The following DHX32 variants were observed in gnomAD, a reference collection of about 807,000 sequenced individuals.
DHX32 encodes the protein DEAH-box helicase 32 (putative).
Under a neutral mutation model 70.0 loss-of-function variants are expected in DHX32, and 51 were observed. The ratio of observed to expected loss-of-function variants is 0.73; its 90% CI spans 0.58 to 0.92. The LOEUF (loss-of-function observed/expected upper bound fraction) is 0.92. DHX32 is among the 40% of genes least tolerant of loss of function. The pLI is 0.00. For missense variants in DHX32, 762 were observed against 891.8 expected (o/e 0.85, Z 1.85); for synonymous variants, 310 against 315.3 (o/e 0.98, Z 0.18).
intron 3 of DHX32, among the ~76,000 whole-genome samples, chr10:125,858,893 T>A (rs1486962619): frequency 2.7e-5 from 4 of 148,976 alleles, no homozygotes; most frequent in Non-Finnish European, 4.5e-5. Flanking sequence ...AGCTGCAATT[T>A]AAAAAAAAAA....
chr10:125,867,186 G>A lies in DHX32; in HGVS notation c.283-3C>T. 2 of 1,591,216 alleles carry A rather than the reference G, an allele frequency of 1.3e-6. No homozygotes were observed. The highest frequency in any genetic ancestry group is 1.8e-5 in the Admixed American group (1 of 56,116). The stretch of plus-strand genomic sequence containing the variant: ...TATTCAGCACACCACTGAGGAACCT[G>A]TAGCAGGAAAAAATGAGACAGGATC... On this transcript the variant is annotated splice_region_variant and splice_polypyrimidine_tract_variant and intron_variant, in intron 1 of 10. Coordinates refer to ENST00000284690, the MANE Select transcript of DHX32 (RefSeq NM_018180.3).
At chr10:125,879,877 C>A (rs1944307096) in intron 1 of DHX32, among the ~76,000 whole-genome samples, 1 of 152,194 alleles carries the variant, frequency 6.6e-6, no homozygotes. Flanking sequence ...CTCCTGGGCT[C>A]AAATGATCTG....
chr10:125,866,109 G>C lies in DHX32; in HGVS notation c.476+881C>G, dbSNP rs767697968. 6.6e-6 allele frequency among the ~76,000 whole-genome samples: 1 copy of C among 152,088 alleles called. No individual in the cohort carries two copies. Among genetic ancestry groups the C allele is most frequent in the East Asian group, 1.9e-4 (1 of 5,190 alleles). On this transcript the variant is annotated intron_variant, in intron 2 of 10. Transcript: ENST00000284690. This position sits in a 1 kb window ranked among gnomAD's most constrained non-coding sequence, Gnocchi z 4.8. ...TAGCTACTTGGCTCTTGGAGTGGTC[G>C]GGCAGTGCCCGGGGCAGCTGAAGCC... is the stretch of plus-strand genomic sequence containing the variant.
At chr10:125,861,389 C>T (rs372820993) in intron 2 of DHX32, among the ~76,000 whole-genome samples, 3 of 152,056 alleles carry the variant, frequency 2.0e-5, no homozygotes, top group East Asian at 3.9e-4. Flanking sequence ...ACCAGCTACC[C>T]GGGAGGCTGA....
chr10:125,878,384 C>T (rs1944297108), intron 1 of DHX32, among the ~76,000 whole-genome samples: 1 of 152,178 alleles, frequency 6.6e-6, no homozygotes, highest in African/African-American at 2.4e-5. Context: ...CAAACTTCAC[C>T]TTCATTTAAG....
intron 1 of DHX32, among the ~76,000 whole-genome samples, chr10:125,875,017 G>C (rs912649964): frequency 6.6e-6 from 1 of 152,014 alleles, no homozygotes; most frequent in Non-Finnish European, 1.5e-5. Flanking sequence ...CCAGGAGTCC[G>C]AGACCAACCT....
Position 125,867,670 on chromosome 10 carries a change from AGCTT to A in DHX32, c.283-491_283-488del, listed in dbSNP as rs899429276. Among the ~76,000 whole-genome samples the A allele has an allele frequency of 2.0e-5, 3 of 148,838 alleles. No individual in the cohort carries two copies. In the Admixed American group the frequency reaches 2.0e-4, roughly 10 times the overall value. ...AGAATGGCGTGAACCCGGGAGGCGG[AGCTT>A]GCAGTGAGCAGAGATTGTGCCACTG... On this transcript the variant is annotated intron_variant, in intron 1 of 10. Transcript: ENST00000284690.
chr10:125,842,670 G>A (rs1194241228), intron 6 of DHX32: 1 of 204,944 alleles, frequency 4.9e-6, no homozygotes, highest in East Asian at 1.8e-4. Flanking sequence ...ATCCAGTAGA[G>A]AGGCATGAAA....
chr10:125,877,365 C>A (rs1044844367), intron 1 of DHX32, among the ~76,000 whole-genome samples: 5 of 149,728 alleles, frequency 3.3e-5, no homozygotes, highest in Admixed American at 1.3e-4. Context: ...GTTGTCCAGC[C>A]CTCCTCTTTT....
chr10:125,869,730 T>C (rs1378771799), intron 1 of DHX32, among the ~76,000 whole-genome samples: 7 of 152,178 alleles, frequency 4.6e-5, no homozygotes, highest in Non-Finnish European at 5.9e-5. Context: ...AAACCCTTGT[T>C]TGAATATGAT....
intron 6 of DHX32, among the ~76,000 whole-genome samples, chr10:125,844,704 A>C (rs894164179): frequency 2.6e-5 from 4 of 152,354 alleles, no homozygotes; most frequent in Non-Finnish European, 5.9e-5. Context: ...GTGCTGCTTA[A>C]GTATAATCCA....
At chr10:125,844,191 G>A (rs899803896) in intron 6 of DHX32, among the ~76,000 whole-genome samples, 1 of 152,202 alleles carries the variant, frequency 6.6e-6, no homozygotes, top group Non-Finnish European at 1.5e-5. Flanking sequence ...AGTAACAGCC[G>A]ATCTGCTGGA....
At position 125,859,697 on chromosome 10, in the gene DHX32, T is replaced by C. The variant is rs1944173138; in HGVS notation, c.755A>G (p.Gln252Arg). 4.3e-6 allele frequency: 7 copies of C among 1,614,050 alleles called. No homozygotes were observed. The highest frequency in any genetic ancestry group is 5.9e-6 in the Non-Finnish European group (7 of 1,179,996). ...PVEVVYLSEA[Q>R]KDSFESILRL... ...TAAAATAGACTCAAAAGAATCCTTT[T>C]GAGCCTCACTAAGGTACACAACCTC... Residue 252 changes from glutamine (Q) to arginine (R), a missense_variant, in exon 3 of 11, where the codon CAA becomes CGA. Gln to Arg is a conservative substitution (Grantham distance 43, BLOSUM62 1). Coordinates refer to ENST00000284690, the MANE Select transcript of DHX32 (RefSeq NM_018180.3).
chr10:125,869,809 G>A (rs1008104810), intron 1 of DHX32, among the ~76,000 whole-genome samples: 15 of 152,070 alleles, frequency 9.9e-5, no homozygotes, highest in African/African-American at 3.4e-4. Flanking sequence ...TCCCAATACC[G>A]AACAGAGGAT....
rs990193737 is a variant in DHX32 at position 125,858,148 on chromosome 10, G to A, written c.849+1455C>T. On this transcript the variant is annotated intron_variant, in intron 3 of 10. Transcript: ENST00000284690. ...CCTCCTGGCCTCACGTGATCCTCCC[G>A]CCTCAGCCTCCCAAAGTGCTGTCAT... 7.9e-5 allele frequency among the ~76,000 whole-genome samples: 12 copies of A among 151,872 alleles called. No individual in the cohort carries two copies. The East Asian group carries it at 2.1e-3, about 27-fold the overall frequency.
Position 125,836,372 on chromosome 10 carries a change from T to G in DHX32, c.*315A>C. On this transcript the variant is annotated 3_prime_UTR_variant, in exon 11 of 11. Coordinates refer to ENST00000284690, the MANE Select transcript of DHX32 (RefSeq NM_018180.3). ...AACTCAGACTTTATTCAGATTAAGT[T>G]CCTCTACAAAAAGTAGGGTTCTGTC... 6.4e-7 allele frequency: 1 copy of G among 1,572,340 alleles called. No individual in the cohort carries two copies. The highest frequency in any genetic ancestry group is 8.6e-7 in the Non-Finnish European group (1 of 1,161,898).
At chr10:125,850,131 CATTAAAAAAA>C (rs1234531124) in intron 6 of DHX32, among the ~76,000 whole-genome samples, 2 of 119,290 alleles carry the variant, frequency 1.7e-5, no homozygotes, top group African/African-American at 7.0e-5. Flanking sequence ...ACACCTGGCT[CATTAAAAAAA>C]AAAAAAAAAA....
At chr10:125,865,276 G>A (rs901519223) in intron 2 of DHX32, among the ~76,000 whole-genome samples, 3 of 152,114 alleles carry the variant, frequency 2.0e-5, no homozygotes, top group Admixed American at 6.5e-5. Flanking sequence ...GAACCAGAGA[G>A]GTTTTTATGT....
intron 1 of DHX32, among the ~76,000 whole-genome samples, chr10:125,878,342 A>G (rs1944296487): frequency 6.6e-6 from 1 of 152,228 alleles, no homozygotes; most frequent in Non-Finnish European, 1.5e-5. Context: ...GAGATGACTA[A>G]GTAAAGAAGA....
Sources: gnomAD v4.1 joint callset for allele counts (sites outside exome capture counted in the v4.1 genomes callset) on GRCh38, gnomAD v4.1.1 for gene constraint, Gnocchi (gnomAD v3.1) non-coding constraint, MANE v1.5 for transcripts, NCBI Gene and HGNC (gene_info 2026-07-23, HGNC 2026-07-21) for gene names.